SPAG16: variants seen among roughly 807,000 people sequenced by gnomAD.
The protein encoded by SPAG16 is sperm-associated antigen 16 protein.
A neutral mutation model predicts 80.4 loss-of-function variants in SPAG16; 86 were observed. That is an observed-to-expected ratio of 1.07 (90% CI 0.90 to 1.28). SPAG16 has a LOEUF of 1.28. SPAG16 is among the 50% of genes most tolerant of loss of function. The pLI, the probability that SPAG16 is intolerant of heterozygous loss-of-function variation, is 0.00. For synonymous variants in SPAG16, 294 were observed against 265.9 expected (o/e 1.11, Z -1.03); for missense variants, 870 against 765.3 (o/e 1.14, Z -1.61).
chr2:213,899,810 G>T (rs970427615), intron 11 of SPAG16, among the ~76,000 whole-genome samples: 1 of 152,012 alleles, frequency 6.6e-6, no homozygotes, highest in Non-Finnish European at 1.5e-5. Context: ...TCTCAAATAT[G>T]CAATAAAGAG....
At chr2:213,468,018 C>T (rs2072801722) in intron 9 of SPAG16, among the ~76,000 whole-genome samples, 1 of 152,146 alleles carries the variant, frequency 6.6e-6, no homozygotes, top group South Asian at 2.1e-4. Context: ...ACCAAAGTAG[C>T]CACTTTCAGG....
intron 10 of SPAG16, among the ~76,000 whole-genome samples, chr2:213,636,435 G>A (rs1347379615): frequency 6.6e-6 from 1 of 151,920 alleles, no homozygotes; most frequent in African/African-American, 2.4e-5. Context: ...TCATGTGTGT[G>A]CACTCATTTT....
At chr2:214,244,161 GA>G (rs1284741709) in intron 15 of SPAG16, among the ~76,000 whole-genome samples, 1 of 151,764 alleles carries the variant, frequency 6.6e-6, no homozygotes, top group Non-Finnish European at 1.5e-5. Context: ...AAAAAATACT[GA>G]AAAATATTTA....
chr2:213,640,306 G>A (rs2062537005), intron 10 of SPAG16, among the ~76,000 whole-genome samples: 2 of 152,134 alleles, frequency 1.3e-5, no homozygotes, highest in Admixed American at 1.3e-4. Context: ...TCTTCTGGAG[G>A]TGTTATAGAA....
At chr2:213,950,439 C>T (rs1445580344) in intron 12 of SPAG16, among the ~76,000 whole-genome samples, 1 of 152,050 alleles carries the variant, frequency 6.6e-6, no homozygotes, top group Non-Finnish European at 1.5e-5. Context: ...AAGCCCTTTC[C>T]TCTTCTTTGA....
chr2:213,291,254 C>G (rs2062262897), intron 1 of SPAG16, among the ~76,000 whole-genome samples: 1 of 152,152 alleles, frequency 6.6e-6, no homozygotes, highest in African/African-American at 2.4e-5. Flanking sequence ...TGTGTATTTG[C>G]AAACTGTAGC....
At chr2:213,510,530 A>G (rs2075182309) in intron 10 of SPAG16, among the ~76,000 whole-genome samples, 2 of 152,178 alleles carry the variant, frequency 1.3e-5, no homozygotes, top group African/African-American at 2.4e-5. Flanking sequence ...TTAAATTTCA[A>G]CGTAATATGG....
intron 15 of SPAG16, among the ~76,000 whole-genome samples, chr2:214,335,081 C>T (rs1697187309): frequency 6.6e-6 from 1 of 152,182 alleles, no homozygotes; most frequent in Non-Finnish European, 1.5e-5. Context: ...GAACTTGCAA[C>T]AGAGGCCTCA....
At chr2:214,009,487 A>G (rs959509519) in intron 12 of SPAG16, among the ~76,000 whole-genome samples, 4 of 152,206 alleles carry the variant, frequency 2.6e-5, no homozygotes, top group South Asian at 2.1e-4. Flanking sequence ...GTTGCTTATT[A>G]TAAGAGAAGT....
At chr2:213,841,583 T>A (rs1002365580) in intron 10 of SPAG16, among the ~76,000 whole-genome samples, 1 of 152,208 alleles carries the variant, frequency 6.6e-6, no homozygotes, top group Non-Finnish European at 1.5e-5. Flanking sequence ...TACTTGTTGA[T>A]GTATTTTAAA....
intron 1 of SPAG16, among the ~76,000 whole-genome samples, chr2:213,291,618 C>T (rs2062277291): frequency 6.6e-6 from 1 of 152,088 alleles, no homozygotes; most frequent in African/African-American, 2.4e-5. Flanking sequence ...ATTTGATTTA[C>T]CTGTTATTAA....
chr2:213,489,098 G>T (rs1458626553), intron 9 of SPAG16, among the ~76,000 whole-genome samples: 1 of 135,638 alleles, frequency 7.4e-6, no homozygotes, highest in African/African-American at 2.6e-5. Context: ...AAAAAAAAAA[G>T]ATTTTTCATG....
At chr2:213,868,819 A>G (rs2075812261) in intron 11 of SPAG16, among the ~76,000 whole-genome samples, 1 of 152,008 alleles carries the variant, frequency 6.6e-6, no homozygotes, top group Non-Finnish European at 1.5e-5. Flanking sequence ...TGATTCATGA[A>G]TTGTGAATAA....
chr2:213,350,077 T>A (rs893180036), intron 6 of SPAG16, among the ~76,000 whole-genome samples: 1 of 152,230 alleles, frequency 6.6e-6, no homozygotes, highest in African/African-American at 2.4e-5. Context: ...TTATACTTAA[T>A]TTTTAAAATA....
At chr2:214,169,157 A>C (rs1363038477) in intron 15 of SPAG16, among the ~76,000 whole-genome samples, 1 of 152,060 alleles carries the variant, frequency 6.6e-6, no homozygotes, top group Non-Finnish European at 1.5e-5. Context: ...TAATTTGATA[A>C]TCCTTGAGTA....
chr2:213,542,783 G>T (rs1177083979), intron 10 of SPAG16, among the ~76,000 whole-genome samples: 1 of 151,894 alleles, frequency 6.6e-6, no homozygotes, highest in African/African-American at 2.4e-5. Context: ...TTTTTAGTTT[G>T]CTCAATGCTA....
At chr2:213,451,314 T>A (rs1248662092) in intron 9 of SPAG16, among the ~76,000 whole-genome samples, 2 of 152,212 alleles carry the variant, frequency 1.3e-5, no homozygotes, top group African/African-American at 4.8e-5. Flanking sequence ...TCCTAGGTAA[T>A]TTATCCCATG....
chr2:213,985,178 A>G (rs143523932), intron 12 of SPAG16, among the ~76,000 whole-genome samples: 143 of 152,226 alleles, frequency 9.4e-4, no homozygotes, highest in African/African-American at 3.1e-3. Context: ...AAAAGAATGA[A>G]TAAATTAAGA....
intron 10 of SPAG16, among the ~76,000 whole-genome samples, chr2:213,585,305 C>G (rs1384823987): frequency 7.1e-6 from 1 of 141,354 alleles, no homozygotes; most frequent in Non-Finnish European, 1.5e-5. Flanking sequence ...GAAATGGAGT[C>G]TCACTCTATT....
Sources: allele counts gnomAD v4.1 joint callset (sites outside exome capture counted in the v4.1 genomes callset), GRCh38; gene constraint gnomAD v4.1.1; transcripts MANE v1.5; gene names NCBI Gene and HGNC (gene_info 2026-07-23, HGNC 2026-07-21).